KDM5A: variants seen among roughly 807,000 people sequenced by gnomAD.
KDM5A encodes lysine demethylase 5A, also known as lysine-specific demethylase 5A.
A neutral mutation model predicts 193.5 loss-of-function variants in KDM5A; 42 were observed. The ratio of observed to expected loss-of-function variants is 0.22; its 90% CI spans 0.17 to 0.28. The LOEUF is 0.28. Ranked by LOEUF, KDM5A falls within the 10% of genes least tolerant of loss-of-function variation. KDM5A has a pLI of 1.00. For missense variants in KDM5A, 1,692 were observed against 2,055.1 expected (o/e 0.82, Z 3.42); for synonymous variants, 796 against 718.1 (o/e 1.11, Z -1.73).
chr12:288,335 G>A (rs868359938), intron 27 of KDM5A, among the ~76,000 whole-genome samples: 3 of 151,976 alleles, frequency 2.0e-5, no homozygotes, highest in African/African-American at 7.3e-5. Context: ...TGTATTTAGT[G>A]AATCACAAAA....
At chr12:381,038 A>G (rs1338240429) in intron 3 of KDM5A, among the ~76,000 whole-genome samples, 2 of 151,740 alleles carry the variant, frequency 1.3e-5, no homozygotes, top group African/African-American at 2.4e-5. Flanking sequence ...CTTATTGCCC[A>G]GGCTGAAGTG....
intron 10 of KDM5A, among the ~76,000 whole-genome samples, chr12:347,606 CCA>C (rs1944095353): frequency 1.3e-5 from 2 of 152,164 alleles, no homozygotes; most frequent in Admixed American, 1.3e-4. Flanking sequence ...AGAAATAACA[CCA>C]CATATCCACA....
At chr12:375,133 G>A (rs1944485727) in intron 3 of KDM5A, among the ~76,000 whole-genome samples, 2 of 152,146 alleles carry the variant, frequency 1.3e-5, no homozygotes, top group African/African-American at 2.4e-5. Flanking sequence ...GCCTTGCTAG[G>A]TTGGGGAAGT....
chr12:374,935 C>T (rs889250825), intron 3 of KDM5A, among the ~76,000 whole-genome samples: 14 of 152,084 alleles, frequency 9.2e-5, no homozygotes, highest in East Asian at 1.9e-4. Flanking sequence ...GAGTTTCTGC[C>T]GAGAGATCCG....
rs139727576 is a variant in KDM5A, at chr12:285,542, C to A, written c.4987G>T (p.Gly1663Trp). ...YICINCAKKQ[G>W]PVSPGPAPPP... ...GGTGCTGGACCTGGGCTAACTGGCC[C>A]CTGCTTCTTTGCACAGTTTATACAG... The change falls in exon 28 of 28, where the codon GGG (glycine) becomes TGG (tryptophan). Residue 1663 changes from glycine to tryptophan, a missense_variant. This residue lies in a region of KDM5A where 41 missense variants were observed against 36.3 expected (regional missense o/e 1.13). Transcript: ENST00000399788. 1 of 1,614,000 alleles carries A rather than the reference C, an allele frequency of 6.2e-7. No homozygotes were observed. The highest frequency in any genetic ancestry group is 8.5e-7 in the Non-Finnish European group (1 of 1,179,934).
At chr12:306,031 T>C (rs1011688590) in intron 24 of KDM5A, among the ~76,000 whole-genome samples, 8 of 140,210 alleles carry the variant, frequency 5.7e-5, no homozygotes, top group African/African-American at 8.2e-5. Context: ...AGGGCAGTGG[T>C]GCAATCATGG....
In KDM5A at chr12:323,584, A is replaced by G. The variant is rs370737420; in HGVS notation, c.2150+16T>C. 7 of 1,611,130 alleles carry G rather than the reference A, an allele frequency of 4.3e-6. No individual in the cohort carries two copies. The highest frequency in any genetic ancestry group is 5.9e-6 in the Non-Finnish European group (7 of 1,177,836). The stretch of plus-strand genomic sequence containing the variant: ...AAAAAAAGGTAATGGAAGTTTTACA[A>G]AATACTTTTGGATACCTAAGACATT... On this transcript the variant is annotated intron_variant, in intron 15 of 27. Transcript: ENST00000399788.
chr12:333,851 C>T (rs1943892867), intron 11 of KDM5A, among the ~76,000 whole-genome samples: 1 of 152,134 alleles, frequency 6.6e-6, no homozygotes, highest in Admixed American at 6.5e-5. Flanking sequence ...TAGGCAGATA[C>T]AAACTTATCA....
At chr12:328,077 TGATA>T (rs1943815234) in intron 14 of KDM5A, among the ~76,000 whole-genome samples, 1 of 152,118 alleles carries the variant, frequency 6.6e-6, no homozygotes, top group Non-Finnish European at 1.5e-5. Flanking sequence ...CTTTTAGGGG[TGATA>T]GATATATTCA....
At position 333,410 on chromosome 12, in the gene KDM5A, C is replaced by A. The variant is rs528109563; in HGVS notation, c.1653+77G>T. On this transcript the variant is annotated intron_variant, in intron 12 of 27. Coordinates refer to ENST00000399788, the MANE Select transcript of KDM5A (RefSeq NM_001042603.3). ...CTCCAGCCTGGGCAACAGAGCAAGA[C>A]CCTGTTTCAAAAAAAAAGAAAAAAG... The A allele has an allele frequency of 8.1e-5, 123 of 1,522,588 alleles. 1 individual carries two copies. The highest frequency in any genetic ancestry group is 2.9e-4 in the South Asian group (26 of 88,674). The allele number at this position is 1,522,588 out of a possible 1,614,324, so 94.3% of individuals were successfully genotyped here.
At chr12:300,342 C>T (rs1356863381) in intron 24 of KDM5A, among the ~76,000 whole-genome samples, 2 of 152,116 alleles carry the variant, frequency 1.3e-5, no homozygotes, top group Non-Finnish European at 2.9e-5. Context: ...TCTCTCAGAC[C>T]ACAGTGCAAT....
intron 6 of KDM5A, among the ~76,000 whole-genome samples, chr12:355,774 C>T (rs1944223463): frequency 6.6e-6 from 1 of 152,164 alleles, no homozygotes; most frequent in South Asian, 2.1e-4. Flanking sequence ...TATGACTTTA[C>T]ACATCTAAGT....
intron 25 of KDM5A, among the ~76,000 whole-genome samples, chr12:296,725 CA>C (rs1300322618): frequency 3.9e-5 from 6 of 152,330 alleles, no homozygotes; most frequent in African/African-American, 1.4e-4. Flanking sequence ...AGTTCCACAA[CA>C]CCTGATAATG....
chr12:346,309 T>C (rs1331498893), intron 10 of KDM5A, among the ~76,000 whole-genome samples: 1 of 152,144 alleles, frequency 6.6e-6, no homozygotes, highest in Non-Finnish European at 1.5e-5. Context: ...ACCAGATGGA[T>C]TCACAGCCAA....
Position 370,764 on chromosome 12 carries a change from A to C in KDM5A, c.367-4660T>G, listed in dbSNP as rs146539696. ...ATATCTCCTAATGCTATCCCTCCCCACTACCCCCACCCTACGACAGGCCCC... is the reference window on the plus strand; with the variant it reads ...ATATCTCCTAATGCTATCCCTCCCCCCTACCCCCACCCTACGACAGGCCCC... On this transcript the variant is annotated intron_variant, in intron 3 of 27. Transcript: ENST00000399788. Among the ~76,000 whole-genome samples, 1,441 of 152,132 alleles carry C rather than the reference A, an allele frequency of 9.5e-3. 31 individuals carry two copies. Among genetic ancestry groups the C allele is most frequent in the African/African-American group, 0.032 (1,345 of 41,500 alleles).
rs1399725858 is a variant in KDM5A at position 292,989 on chromosome 12, T to C, written c.4636A>G (p.Lys1546Glu). 1 of 1,608,698 alleles carries C rather than the reference T, an allele frequency of 6.2e-7. No homozygotes were observed. Among genetic ancestry groups the C allele is most frequent in the African/African-American group, 1.3e-5 (1 of 74,374 alleles). ...TTCTTGGCCAGTTTATTCAGCTCCTTTGATTTGTCTGCACCTAATTTTAAT... is the reference window on the plus strand; with the variant it reads ...TTCTTGGCCAGTTTATTCAGCTCCTCTGATTTGTCTGCACCTAATTTTAAT... ...KKLKLGADKS[K>E]ELNKLAKKLA... Residue 1546 changes from lysine to glutamate, a missense_variant, in exon 27 of 28, where the codon AAG becomes GAG. Lys to Glu is a moderately conservative substitution (Grantham distance 56). This residue lies in a region of KDM5A where 965 missense variants were observed against 1,061.0 expected (regional missense o/e 0.91). Transcript: ENST00000399788.
intron 27 of KDM5A, among the ~76,000 whole-genome samples, chr12:286,761 C>A (rs1943224020): frequency 6.6e-6 from 1 of 152,140 alleles, no homozygotes; most frequent in Non-Finnish European, 1.5e-5. Context: ...CTATAAAAAA[C>A]TGTCAAAACC....
chr12:354,764 C>CAAA (rs55840057), intron 7 of KDM5A, among the ~76,000 whole-genome samples: 26 of 149,042 alleles, frequency 1.7e-4, no homozygotes, highest in African/African-American at 6.4e-4. Context: ...GACTCCGTCT[C>CAAA]AAAAAAAAAA....
intron 14 of KDM5A, among the ~76,000 whole-genome samples, chr12:325,154 A>G (rs1943766193): frequency 6.6e-6 from 1 of 152,170 alleles, no homozygotes; most frequent in African/African-American, 2.4e-5. Context: ...ATTTTCTTAT[A>G]CTGGCATTTA....
Sources: gnomAD v4.1 joint callset for allele counts (sites outside exome capture counted in the v4.1 genomes callset) on GRCh38, gnomAD v4.1.1 for gene constraint, gnomAD v4.1.1 regional missense constraint, MANE v1.5 for transcripts, NCBI Gene and HGNC (gene_info 2026-07-23, HGNC 2026-07-21) for gene names.